Variants in REEP3 observed in about 807,000 individuals in gnomAD.
The protein encoded by REEP3 is receptor accessory protein 3.
REEP3 carries 20 observed loss-of-function variants against 41.3 expected under a neutral mutation model. That is an observed-to-expected ratio of 0.48 (90% confidence interval 0.34 to 0.70). The LOEUF (loss-of-function observed/expected upper bound fraction) is 0.70, where lower values mean the gene tolerates loss of function less well. REEP3 is among the 30% of genes least tolerant of loss of function. The pLI is 0.01. For synonymous variants in REEP3, 104 were observed against 101.8 expected, an observed-to-expected ratio of 1.02 and a Z score of -0.13; for missense variants, 271 against 308.8, an observed-to-expected ratio of 0.88 and a Z score of 0.92.
chr10:63,545,058 T>C (rs2133354857), intron 1 of REEP3, among the ~76,000 whole-genome samples: 1 of 152,348 alleles, frequency 6.6e-6, no homozygotes, highest in Admixed American at 6.5e-5. Flanking sequence ...TCTGTGGCTA[T>C]CTTATTTTTT....
At chr10:63,612,874 A>G (rs1406774851) in intron 6 of REEP3, among the ~76,000 whole-genome samples, 1 of 152,180 alleles carries the variant, frequency 6.6e-6, no homozygotes, top group Non-Finnish European at 1.5e-5. Context: ...CAGCTATCTT[A>G]GACCAGAGTC....
chr10:63,553,799 C>T (rs937207573), intron 1 of REEP3, among the ~76,000 whole-genome samples: 20 of 152,062 alleles, frequency 1.3e-4, no homozygotes, highest in African/African-American at 4.8e-4. Flanking sequence ...TCACCAGAAG[C>T]TTTTTAAAAC....
chr10:63,599,288 T>C lies in REEP3; in HGVS notation c.417+5T>C. 7.6e-7 allele frequency: 1 copy of C among 1,323,820 alleles called. No individual in the cohort carries two copies. The highest frequency in any genetic ancestry group is 1.4e-5 in the South Asian group (1 of 70,034). 82.0% of individuals were successfully genotyped at this position (1,323,820 alleles called of 1,614,324 possible). On this transcript the variant is annotated splice_donor_5th_base_variant and intron_variant, in intron 5 of 7. Coordinates refer to ENST00000373758, the MANE Select transcript of REEP3 (RefSeq NM_001001330.3). ...GCTGTTACTGCAGCAGTAAAGGTAA[T>C]TGTTCATTTACCTTTTTAATCCAAT...
At chr10:63,534,565 G>T (rs1003033184) in intron 1 of REEP3, among the ~76,000 whole-genome samples, 2 of 152,108 alleles carry the variant, frequency 1.3e-5, no homozygotes, top group African/African-American at 4.8e-5. Context: ...TATTTTATGT[G>T]GTAAATAGGA....
At chr10:63,578,054 T>G (rs1955912746) in intron 2 of REEP3, among the ~76,000 whole-genome samples, 1 of 152,210 alleles carries the variant, frequency 6.6e-6, no homozygotes, top group Admixed American at 6.5e-5. Flanking sequence ...AGTGGGATAC[T>G]TGCAGTTGAG....
At chr10:63,607,539 A>C (rs1956240211) in intron 5 of REEP3, among the ~76,000 whole-genome samples, 1 of 152,076 alleles carries the variant, frequency 6.6e-6, no homozygotes, top group Non-Finnish European at 1.5e-5. Flanking sequence ...TTGCTGCTGA[A>C]CCTCTGCAAA....
At position 63,622,599 on chromosome 10, in the gene REEP3, C is replaced by T. The variant is rs1304314326; in HGVS notation, c.*1730C>T. ...ACTAGACTTCTTAATATAACTGTTA[C>T]ACTGTCCTTGTCTTTCCTACTCAAA... On this transcript the variant is annotated 3_prime_UTR_variant, in exon 8 of 8. Transcript: ENST00000373758. 1 of 151,954 alleles carries T rather than the reference C, an allele frequency of 6.6e-6. No homozygotes were observed. The highest frequency in any genetic ancestry group is 1.5e-5 in the Non-Finnish European group (1 of 67,992). The allele number at this position is 151,954 out of a possible 1,614,324, so 9.4% of individuals were successfully genotyped here.
rs369965524 is a variant in REEP3 at position 63,567,886 on chromosome 10, A to T, written c.105+1476A>T. ...TTTTACGGTCATTTTTTTCTCTTGT[A>T]TATAAAACTAACTTCTGAAGTGAAG... On this transcript the variant is annotated intron_variant, in intron 2 of 7. Coordinates refer to ENST00000373758, the MANE Select transcript of REEP3 (RefSeq NM_001001330.3). 2.6e-5 allele frequency among the ~76,000 whole-genome samples: 4 copies of T among 152,162 alleles called. No individual in the cohort carries two copies. The East Asian group carries it at 7.7e-4, about 29-fold the overall frequency.
intron 1 of REEP3, among the ~76,000 whole-genome samples, chr10:63,565,926 C>A (rs1955793863): frequency 6.7e-6 from 1 of 149,360 alleles, no homozygotes; most frequent in Admixed American, 6.7e-5. Flanking sequence ...GCTCTGTCAC[C>A]CAGGCTGGAG....
chr10:63,524,690 C>T (rs1313005349), intron 1 of REEP3, among the ~76,000 whole-genome samples: 1 of 152,140 alleles, frequency 6.6e-6, no homozygotes, highest in South Asian at 2.1e-4. Context: ...AAGTGATCCG[C>T]CCACCTTCCT....
intron 2 of REEP3, among the ~76,000 whole-genome samples, chr10:63,594,421 G>C (rs1435572929): frequency 6.6e-6 from 1 of 152,126 alleles, no homozygotes; most frequent in East Asian, 1.9e-4. Flanking sequence ...TCTTCATAAA[G>C]AAGCAAGTAG....
At chr10:63,619,508 A>C in intron 6 of REEP3, 147 bp from the exon 7 acceptor site, 1 of 579,664 alleles carries the variant, frequency 1.7e-6, no homozygotes, top group Non-Finnish European at 2.9e-6. Context: ...AAGCTTAATG[A>C]TAAAGGGCAT....
At chr10:63,611,080 A>G (rs1055924840) in intron 6 of REEP3, among the ~76,000 whole-genome samples, 2 of 152,184 alleles carry the variant, frequency 1.3e-5, no homozygotes, top group Middle Eastern at 6.3e-3. Context: ...TCAGGAAAAA[A>G]AAAAGATTAG....
chr10:63,567,553 G>C (rs981679128), intron 2 of REEP3, among the ~76,000 whole-genome samples: 11 of 152,066 alleles, frequency 7.2e-5, no homozygotes, highest in Admixed American at 2.0e-4. Flanking sequence ...ACATTCTACT[G>C]TATGGATATA....
chr10:63,549,472 G>A (rs1284333920), intron 1 of REEP3, among the ~76,000 whole-genome samples: 1 of 151,300 alleles, frequency 6.6e-6, no homozygotes, highest in African/African-American at 2.4e-5. Flanking sequence ...GGAGGCTGAG[G>A]CAGGAGGATC....
intron 1 of REEP3, among the ~76,000 whole-genome samples, chr10:63,559,667 C>G (rs1955722829): frequency 6.6e-6 from 1 of 152,152 alleles, no homozygotes; most frequent in African/African-American, 2.4e-5. Flanking sequence ...CTTTTTAAGC[C>G]TCAGTCTTTG....
intron 2 of REEP3, among the ~76,000 whole-genome samples, chr10:63,590,146 G>A (rs76153410): frequency 6.6e-6 from 1 of 152,082 alleles, no homozygotes; most frequent in Non-Finnish European, 1.5e-5. Context: ...GCCCAGGCTG[G>A]CCTCGAATTC....
chr10:63,566,264 A>C lies in REEP3; in HGVS notation c.33-74A>C, dbSNP rs1479046165. On this transcript the variant is annotated intron_variant, in intron 1 of 7. Transcript: ENST00000373758. ...CACACAAATTTACAGTTATTTGTTT[A>C]TTAGGTTAAATTTTTATGAGCTGTT... The C allele has an allele frequency of 6.5e-6, 5 of 768,104 alleles. No homozygotes were observed. The East Asian group carries it at 1.1e-4, about 17-fold the overall frequency. The allele number at this position is 768,104 out of a possible 1,614,324, so 47.6% of individuals were successfully genotyped here.
At chr10:63,587,124 G>A (rs1956015255) in intron 2 of REEP3, among the ~76,000 whole-genome samples, 1 of 152,038 alleles carries the variant, frequency 6.6e-6, no homozygotes, top group Admixed American at 6.5e-5. Flanking sequence ...CTGAAACCAT[G>A]TAGACTGAAT....
Sources: allele counts gnomAD v4.1 joint callset (sites outside exome capture counted in the v4.1 genomes callset), GRCh38; gene constraint gnomAD v4.1.1; transcripts MANE v1.5; gene names NCBI Gene and HGNC (gene_info 2026-07-23, HGNC 2026-07-21).